The following DUSP16 variants were observed in gnomAD, a reference collection of about 807,000 sequenced individuals.
DUSP16 encodes dual specificity protein phosphatase 16.
DUSP16 carries 21 observed loss-of-function variants against 58.3 expected under a neutral mutation model. The observed-to-expected ratio is 0.36, with a 90% CI of 0.26 to 0.52. The LOEUF (loss-of-function observed/expected upper bound fraction) is 0.52. DUSP16 is among the 20% of genes least tolerant of loss of function. The probability of loss-of-function intolerance (pLI) is 0.94; values close to 1 mark genes in which losing one functional copy is unlikely to be tolerated. For synonymous variants in DUSP16, 320 were observed against 323.8 expected (o/e 0.99, Z 0.12); for missense variants, 726 against 819.0 (o/e 0.89, Z 1.39).
At chr12:12,489,190 ATTTCT>A (rs1943727509) in intron 4 of DUSP16, among the ~76,000 whole-genome samples, 1 of 152,164 alleles carries the variant, frequency 6.6e-6, no homozygotes, top group African/African-American at 2.4e-5. Flanking sequence ...AACTAGGTGG[ATTTCT>A]TAGATTGGCC....
intron 1 of DUSP16, among the ~76,000 whole-genome samples, chr12:12,558,645 G>T (rs1472133482): frequency 6.6e-6 from 1 of 152,128 alleles, no homozygotes; most frequent in Non-Finnish European, 1.5e-5. Context: ...CTCTTAAAGT[G>T]CTGGGATTAT....
At chr12:12,525,600 T>C (rs548495407) in intron 1 of DUSP16, among the ~76,000 whole-genome samples, 7 of 152,024 alleles carry the variant, frequency 4.6e-5, no homozygotes, top group Admixed American at 1.3e-4. Context: ...CAGCTGGGCA[T>C]AGTAGCTCAT....
At chr12:12,519,340 C>T (rs1944196991) in intron 3 of DUSP16, among the ~76,000 whole-genome samples, 1 of 152,150 alleles carries the variant, frequency 6.6e-6, no homozygotes, top group African/African-American at 2.4e-5. Flanking sequence ...AACAATTCCC[C>T]TAATTACCAG....
At position 12,476,024 on chromosome 12, in the gene DUSP16, G is replaced by A. The variant is rs1278062815; in HGVS notation, c.*809C>T. 1 of 152,270 alleles carries A rather than the reference G, an allele frequency of 6.6e-6. No individual in the cohort carries two copies. The highest frequency in any genetic ancestry group is 1.9e-4 in the East Asian group (1 of 5,202). The allele number at this position is 152,270 out of a possible 1,614,324, so 9.4% of individuals were successfully genotyped here. On this transcript the variant is annotated 3_prime_UTR_variant, in exon 7 of 7. Coordinates refer to ENST00000298573, the MANE Select transcript of DUSP16 (RefSeq NM_030640.3). ...TAAATCGTGATGTTGCCAGGTTCCT[G>A]GTGGTTCAGCTGAATCCTAGACAGT... is the stretch of plus-strand genomic sequence containing the variant.
intron 4 of DUSP16, among the ~76,000 whole-genome samples, chr12:12,491,043 G>A (rs1486489302): frequency 2.0e-5 from 3 of 152,212 alleles, no homozygotes; most frequent in African/African-American, 7.2e-5. Flanking sequence ...GCCCACTCAT[G>A]CAGCAGGCAT....
At chr12:12,492,325 C>CT (rs71061074) in intron 4 of DUSP16, among the ~76,000 whole-genome samples, 1 of 151,724 alleles carries the variant, frequency 6.6e-6, no homozygotes, top group Non-Finnish European at 1.5e-5. Context: ...AATGGAAAAA[C>CT]TGAAACAGTC....
rs1348115878 is a variant in DUSP16, at chr12:12,475,269, C to CA, written c.*1563dup. ...AAGCTGCTGTTGTGAATTAAGGCTT[C>CA]AAAAGAGGACCCACATTGTAGCTGA... On this transcript the variant is annotated 3_prime_UTR_variant, in exon 7 of 7. Transcript: ENST00000298573. The CA allele has an allele frequency of 3.5e-5, 5 of 143,842 alleles. No homozygotes were observed. Among genetic ancestry groups the CA allele is most frequent in the Non-Finnish European group, 7.6e-5 (5 of 65,426 alleles). 8.9% of individuals were successfully genotyped at this position (143,842 alleles called of 1,614,324 possible).
In DUSP16 at chr12:12,476,827, T is replaced by G. The variant is rs1462360708; in HGVS notation, c.*6A>C. 1.9e-6 allele frequency: 3 copies of G among 1,570,756 alleles called. No homozygotes were observed. Among genetic ancestry groups the G allele is most frequent in the East Asian group, 2.2e-5 (1 of 44,582 alleles). On this transcript the variant is annotated 3_prime_UTR_variant, in exon 7 of 7. Transcript: ENST00000298573. ...TTGTCTATAGAAGTCACAAGTGTCT[T>G]TCTTCTCAGGAGACCTCAATGATTT... is the stretch of plus-strand genomic sequence containing the variant.
At chr12:12,536,979 C>T (rs1222293726) in intron 1 of DUSP16, among the ~76,000 whole-genome samples, 2 of 151,966 alleles carry the variant, frequency 1.3e-5, no homozygotes, top group East Asian at 1.9e-4. Context: ...GTGGAGGTTG[C>T]GGTGGGCCAA....
chr12:12,480,388 T>C, intron 5 of DUSP16, 42 bp from the exon 6 acceptor site: 1 of 1,591,602 alleles, frequency 6.3e-7, no homozygotes, highest in Non-Finnish European at 8.6e-7. Context: ...CTAACTATTT[T>C]GTTCAGCAGT....
chr12:12,484,803 G>T (rs1450445868), intron 5 of DUSP16, among the ~76,000 whole-genome samples: 1 of 151,660 alleles, frequency 6.6e-6, no homozygotes, highest in Non-Finnish European at 1.5e-5. Context: ...TATATTTTTA[G>T]TAGAGACGTG....
chr12:12,511,959 A>G (rs1944084959), intron 3 of DUSP16, among the ~76,000 whole-genome samples: 2 of 152,152 alleles, frequency 1.3e-5, no homozygotes, highest in South Asian at 4.1e-4. Context: ...TGTGCACAAT[A>G]TCAGGATGGG....
chr12:12,527,963 C>A (rs756317888), intron 1 of DUSP16, among the ~76,000 whole-genome samples: 2 of 152,208 alleles, frequency 1.3e-5, no homozygotes, highest in Admixed American at 1.3e-4. Flanking sequence ...ATAATGCCTG[C>A]GCTTTTAGGC....
intron 4 of DUSP16, 80 bp from the exon 5 acceptor site, chr12:12,487,267 G>A: frequency 6.8e-7 from 1 of 1,468,820 alleles, no homozygotes; most frequent in Non-Finnish European, 9.3e-7. Context: ...AGTTTAATGT[G>A]ATGATAAAAA....
At chr12:12,481,068 T>C (rs1425942296) in intron 5 of DUSP16, among the ~76,000 whole-genome samples, 2 of 152,188 alleles carry the variant, frequency 1.3e-5, no homozygotes, top group African/African-American at 4.8e-5. Flanking sequence ...CTCAACTTTA[T>C]TTACTGAGTT....
rs1285255071 is a variant in DUSP16 at position 12,475,093 on chromosome 12, A to AAGTC, written c.*1736_*1739dup. 1 of 152,164 alleles carries AAGTC rather than the reference A, an allele frequency of 6.6e-6. No homozygotes were observed. Among genetic ancestry groups the AAGTC allele is most frequent in the Non-Finnish European group, 1.5e-5 (1 of 68,040 alleles). The allele number at this position is 152,164 out of a possible 1,614,324, so 9.4% of individuals were successfully genotyped here. ...TCATATCATTCTGTGCTGGTTTTAG[A>AAGTC]AGTCACCATAGGAAACATGAAGTCA... On this transcript the variant is annotated 3_prime_UTR_variant, in exon 7 of 7. Transcript: ENST00000298573.
rs1249178974 is a variant in DUSP16 at position 12,521,166 on chromosome 12, T to G, written c.-68A>C. 1.4e-5 allele frequency: 22 copies of G among 1,564,168 alleles called. No homozygotes were observed. Among genetic ancestry groups the G allele is most frequent in the Non-Finnish European group, 1.8e-5 (21 of 1,155,394 alleles). ...CCACGATGATGTAATGGTGGTGTGC[T>G]CAAAGGCTCAGCCACTCCATTGTAC... On this transcript the variant is annotated 5_prime_UTR_variant, in exon 2 of 7. An upstream open reading frame in the 5' UTR loses its in-frame stop. Transcript: ENST00000298573.
chr12:12,481,595 T>C (rs1241014696), intron 5 of DUSP16, among the ~76,000 whole-genome samples: 1 of 152,228 alleles, frequency 6.6e-6, no homozygotes, highest in African/African-American at 2.4e-5. Context: ...ATGATTATTA[T>C]ATATAACATA....
At chr12:12,486,992 A>G (rs1565982849) in intron 5 of DUSP16, 36 bp downstream of exon 5, 1 of 1,609,768 alleles carries the variant, frequency 6.2e-7, no homozygotes, top group African/African-American at 1.3e-5. Flanking sequence ...TGAGACGATC[A>G]CCCACAGGAC....
Sources: gnomAD v4.1 joint callset for allele counts (sites outside exome capture counted in the v4.1 genomes callset) on GRCh38, gnomAD v4.1.1 for gene constraint, MANE v1.5 for transcripts, NCBI Gene and HGNC (gene_info 2026-07-23, HGNC 2026-07-21) for gene names.